Variants in PPFIBP1 observed in about 807,000 individuals in gnomAD.
PPFIBP1 encodes the protein liprin-beta-1.
A neutral mutation model predicts 137.8 loss-of-function variants in PPFIBP1; 112 were observed. The ratio of observed to expected loss-of-function variants is 0.81; its 90% CI spans 0.70 to 0.95. The LOEUF (loss-of-function observed/expected upper bound fraction) is 0.95, where lower values mean the gene tolerates loss of function less well. Among genes scored for constraint, PPFIBP1 ranks in the 40% least tolerant of loss-of-function variants. The pLI, the probability that PPFIBP1 is intolerant of heterozygous loss-of-function variation, is 0.00. For missense variants in PPFIBP1, 1,083 were observed against 1,196.6 expected, an observed-to-expected ratio of 0.91 and a Z score of 1.40; for synonymous variants, 378 against 417.3, an observed-to-expected ratio of 0.91 and a Z score of 1.15.
intron 1 of PPFIBP1, among the ~76,000 whole-genome samples, chr12:27,565,324 C>T (rs1242087980): frequency 6.6e-6 from 1 of 152,202 alleles, no homozygotes; most frequent in Non-Finnish European, 1.5e-5. Flanking sequence ...AGTATTGCCC[C>T]ATCTTCTGTT....
At chr12:27,670,795 A>T (rs1390970865) in intron 13 of PPFIBP1, among the ~76,000 whole-genome samples, 1 of 147,446 alleles carries the variant, frequency 6.8e-6, no homozygotes, top group South Asian at 2.1e-4. Context: ...AAAAAAAAAA[A>T]ATAATAATAA....
chr12:27,635,379 C>T, intron 4 of PPFIBP1: 1 of 584,346 alleles, frequency 1.7e-6, no homozygotes, highest in Non-Finnish European at 3.0e-6. Context: ...GCCTGAATGA[C>T]CTACTGTGGC....
At chr12:27,567,932 A>G (rs1354770473) in intron 1 of PPFIBP1, among the ~76,000 whole-genome samples, 2 of 152,100 alleles carry the variant, frequency 1.3e-5, no homozygotes, top group African/African-American at 2.4e-5. Context: ...GGGTATTGCT[A>G]TGTTGCCCAG....
intron 13 of PPFIBP1, among the ~76,000 whole-genome samples, chr12:27,670,794 A>AATAATAATAATAATAAT (rs1555238678): frequency 1.4e-5 from 2 of 139,420 alleles, no homozygotes; most frequent in Non-Finnish European, 3.1e-5. Context: ...AAAAAAAAAA[A>AATAATAATAATAATAAT]AATAATAATA....
At chr12:27,653,942 T>C (rs2059037674) in intron 7 of PPFIBP1, among the ~76,000 whole-genome samples, 1 of 152,172 alleles carries the variant, frequency 6.6e-6, no homozygotes, top group African/African-American at 2.4e-5. Context: ...AGTTGAAAAT[T>C]GTCATTAAAC....
intron 22 of PPFIBP1, 128 bp downstream of exon 22, chr12:27,681,824 G>C: frequency 7.0e-6 from 7 of 1,004,802 alleles, no homozygotes; most frequent in Middle Eastern, 2.9e-4. Context: ...AAAAGTTTGG[G>C]TTTTCAATTG....
intron 2 of PPFIBP1, among the ~76,000 whole-genome samples, chr12:27,585,324 T>G (rs2051601554): frequency 6.6e-6 from 1 of 152,236 alleles, no homozygotes; most frequent in Non-Finnish European, 1.5e-5. Flanking sequence ...GCTTTGTCTA[T>G]TGTATAAAAC....
At chr12:27,529,158 A>G (rs535051869) in intron 1 of PPFIBP1, among the ~76,000 whole-genome samples, 1 of 152,344 alleles carries the variant, frequency 6.6e-6, no homozygotes, top group Middle Eastern at 3.4e-3. Context: ...TAGGAGGAAG[A>G]TCAAGTACCA....
At chr12:27,585,797 G>A (rs2051673845) in intron 2 of PPFIBP1, among the ~76,000 whole-genome samples, 2 of 152,120 alleles carry the variant, frequency 1.3e-5, no homozygotes, top group Admixed American at 1.3e-4. Context: ...TGGGCAGCAG[G>A]GTAGACTGGA....
At chr12:27,621,221 T>C (rs1315847165) in intron 2 of PPFIBP1, among the ~76,000 whole-genome samples, 1 of 152,218 alleles carries the variant, frequency 6.6e-6, no homozygotes, top group Non-Finnish European at 1.5e-5. Context: ...AAAGCCACCA[T>C]AGATGATACG....
chr12:27,691,724 G>A, intron 27 of PPFIBP1, 25 bp from the exon 28 acceptor site: 1 of 1,588,764 alleles, frequency 6.3e-7, no homozygotes, highest in Non-Finnish European at 8.6e-7. Context: ...TCCTTTGGAT[G>A]TTTTTGTTTG....
At position 27,540,341 on chromosome 12, in the gene PPFIBP1, G is replaced by A. The variant is rs1330503690; in HGVS notation, c.-124+15976G>A. Among the ~76,000 whole-genome samples the A allele has an allele frequency of 4.6e-5, 7 of 151,772 alleles. No homozygotes were observed. The East Asian group carries it at 1.4e-3, about 29-fold the overall frequency. On this transcript the variant is annotated intron_variant, in intron 1 of 29. Transcript: ENST00000228425. Reference sequence around the variant, plus strand: ...TAATGAATGCAAAGAGTTTGGCGTAGTTAGCTGGTACCCCGAGAAAGCCAT... The same window carrying A: ...TAATGAATGCAAAGAGTTTGGCGTAATTAGCTGGTACCCCGAGAAAGCCAT...
intron 1 of PPFIBP1, among the ~76,000 whole-genome samples, chr12:27,549,715 G>T (rs1001221413): frequency 2.0e-5 from 3 of 152,198 alleles, no homozygotes; most frequent in African/African-American, 7.2e-5. Context: ...GTTAGGACCA[G>T]CTGGGGTCCT....
intron 26 of PPFIBP1, 109 bp downstream of exon 26, chr12:27,688,532 C>A: frequency 7.8e-7 from 1 of 1,286,720 alleles, no homozygotes; most frequent in Non-Finnish European, 1.1e-6. Flanking sequence ...CTGACTCAAC[C>A]CTCCTGCCCT....
At chr12:27,635,827 C>T (rs889502562) in intron 4 of PPFIBP1, 1 of 152,184 alleles carries the variant, frequency 6.6e-6, no homozygotes, top group Non-Finnish European at 1.5e-5. Flanking sequence ...CAGAGCTACC[C>T]TTTGTCTGGG....
At chr12:27,566,854 A>G (rs1389475455) in intron 1 of PPFIBP1, among the ~76,000 whole-genome samples, 1 of 152,214 alleles carries the variant, frequency 6.6e-6, no homozygotes, top group Non-Finnish European at 1.5e-5. Context: ...GCTCTGTACC[A>G]GAAAAGGGAG....
chr12:27,555,415 T>C (rs2048629625), intron 1 of PPFIBP1, among the ~76,000 whole-genome samples: 1 of 152,214 alleles, frequency 6.6e-6, no homozygotes, highest in African/African-American at 2.4e-5. Flanking sequence ...GTCAGGACTA[T>C]AGATTCCTTA....
At chr12:27,563,286 A>AAAAAAAAAAAAAT (rs2049325254) in intron 1 of PPFIBP1, among the ~76,000 whole-genome samples, 1 of 138,860 alleles carries the variant, frequency 7.2e-6, no homozygotes, top group African/African-American at 2.7e-5. Flanking sequence ...CTAAAAAAAA[A>AAAAAAAAAAAAAT]AAAAAAAAAA....
At chr12:27,606,207 C>T (rs988516680) in intron 2 of PPFIBP1, among the ~76,000 whole-genome samples, 1 of 152,216 alleles carries the variant, frequency 6.6e-6, no homozygotes, top group African/African-American at 2.4e-5. Flanking sequence ...TTTATGGCTA[C>T]TTCTCTTGCA....
Sources: gnomAD v4.1 joint callset for allele counts (sites outside exome capture counted in the v4.1 genomes callset) on GRCh38, gnomAD v4.1.1 for gene constraint, MANE v1.5 for transcripts, NCBI Gene and HGNC (gene_info 2026-07-23, HGNC 2026-07-21) for gene names.